The following GRM5 variants were observed in gnomAD, a reference collection of about 807,000 sequenced individuals.
GRM5 encodes glutamate metabotropic receptor 5.
GRM5 carries 19 observed loss-of-function variants against 83.1 expected under a neutral mutation model. The observed-to-expected ratio is 0.23, with a 90% CI of 0.16 to 0.34. GRM5 has a LOEUF of 0.34. Among genes scored for constraint, GRM5 ranks in the 10% least tolerant of loss-of-function variants. The pLI is 1.00. For missense variants in GRM5, 1,160 were observed against 1,588.3 expected (o/e 0.73, Z 4.58); for synonymous variants, 675 against 633.6 (o/e 1.07, Z -0.98).
At chr11:89,050,749 C>A (rs1405380680) in intron 1 of GRM5, among the ~76,000 whole-genome samples, 1 of 152,172 alleles carries the variant, frequency 6.6e-6, no homozygotes. Flanking sequence ...AAATGTGGTA[C>A]ATATACACCA....
chr11:88,701,119 A>G (rs6483380), intron 3 of GRM5, among the ~76,000 whole-genome samples: 120,161 of 152,038 alleles, frequency 0.79, 51,081 homozygotes, highest in Non-Finnish European at 0.96. Flanking sequence ...GAGTTTCCCA[A>G]TAACCTTTTA....
chr11:88,516,867 T>C (rs1405331502), intron 9 of GRM5, among the ~76,000 whole-genome samples: 1 of 152,168 alleles, frequency 6.6e-6, no homozygotes. Context: ...ACCATTATTT[T>C]GCTTAATGTC....
Position 89,037,769 on chromosome 11 carries a change from A to G in GRM5, c.661+9443T>C, listed in dbSNP as rs147647499. Among the ~76,000 whole-genome samples the G allele has an allele frequency of 4.8e-3, 729 of 152,284 alleles. 9 individuals are homozygous for G. The highest frequency in any genetic ancestry group is 0.016 in the African/African-American group (680 of 41,568). Reference sequence around the variant, plus strand: ...CACTCCAGAAAATATAAATTAAATGACATTGTCACAGAATAATAAATTCAT... The same window carrying G: ...CACTCCAGAAAATATAAATTAAATGGCATTGTCACAGAATAATAAATTCAT... On this transcript the variant is annotated intron_variant, in intron 2 of 9. Coordinates refer to ENST00000305447, the MANE Select transcript of GRM5 (RefSeq NM_001143831.3).
intron 3 of GRM5, among the ~76,000 whole-genome samples, chr11:88,686,586 A>G (rs571482293): frequency 6.6e-6 from 1 of 152,212 alleles, no homozygotes; most frequent in South Asian, 2.1e-4. Flanking sequence ...CTCATCTTGA[A>G]TTGTACTCCC....
At chr11:88,867,005 C>G (rs923641359) in intron 2 of GRM5, among the ~76,000 whole-genome samples, 2 of 151,730 alleles carry the variant, frequency 1.3e-5, no homozygotes, top group African/African-American at 4.8e-5. Context: ...TGTCAAAGAT[C>G]AGGTGGTTGT....
intron 2 of GRM5, among the ~76,000 whole-genome samples, chr11:88,909,496 G>A (rs1232405548): frequency 2.1e-5 from 3 of 139,754 alleles, no homozygotes; most frequent in Non-Finnish European, 3.1e-5. Flanking sequence ...TGAATCTCAT[G>A]CTTCTTTTTA....
intron 8 of GRM5, among the ~76,000 whole-genome samples, chr11:88,550,627 A>G (rs1236336002): frequency 2.0e-5 from 3 of 152,156 alleles, no homozygotes; most frequent in African/African-American, 7.2e-5. Context: ...CAGTGGCTTT[A>G]TATCTTCTGA....
At chr11:89,030,308 T>C (rs1365746976) in intron 2 of GRM5, among the ~76,000 whole-genome samples, 2 of 152,138 alleles carry the variant, frequency 1.3e-5, no homozygotes, top group African/African-American at 4.8e-5. Flanking sequence ...ATACAATATA[T>C]TGTGTCTCTT....
chr11:88,943,074 G>A (rs990714194), intron 2 of GRM5, among the ~76,000 whole-genome samples: 1 of 152,020 alleles, frequency 6.6e-6, no homozygotes, highest in African/African-American at 2.4e-5. Flanking sequence ...AATAACTGTT[G>A]TTACTCTGAG....
chr11:88,932,040 C>T (rs1190842440), intron 2 of GRM5, among the ~76,000 whole-genome samples: 1 of 151,870 alleles, frequency 6.6e-6, no homozygotes, highest in Non-Finnish European at 1.5e-5. Flanking sequence ...AAGACTAAAA[C>T]ACATAAAACC....
At chr11:88,759,576 G>A (rs539458379) in intron 3 of GRM5, among the ~76,000 whole-genome samples, 120 of 152,210 alleles carry the variant, frequency 7.9e-4, no homozygotes, top group South Asian at 2.7e-3. Context: ...GATTCATAAA[G>A]CAAGTTCTTA....
chr11:88,836,827 C>A (rs540272076), intron 3 of GRM5, among the ~76,000 whole-genome samples: 1 of 151,786 alleles, frequency 6.6e-6, no homozygotes, highest in Non-Finnish European at 1.5e-5. Context: ...CAAAAACAAA[C>A]AAAAACAAAC....
chr11:89,030,803 G>A lies in GRM5; in HGVS notation c.661+16409C>T, dbSNP rs532089449. The stretch of plus-strand genomic sequence containing the variant: ...TTATACTTAAGAACACTGAATTATT[G>A]GTAAAATATTCTAATACTATGGACA... On this transcript the variant is annotated intron_variant, in intron 2 of 9. Coordinates refer to ENST00000305447, the MANE Select transcript of GRM5 (RefSeq NM_001143831.3). Among the ~76,000 whole-genome samples the A allele has an allele frequency of 1.3e-4, 20 of 151,936 alleles. No homozygotes were observed. The South Asian group carries it at 3.5e-3, about 27-fold the overall frequency.
rs986084356 is a variant in GRM5, at chr11:88,985,692, T to C, written c.661+61520A>G. ...TGTCCCCAAGACACTTTCAGAAGAT[T>C]TGCAATGTCAGTATTATTATCATAG... On this transcript the variant is annotated intron_variant, in intron 2 of 9. Transcript: ENST00000305447. Among the ~76,000 whole-genome samples the C allele has an allele frequency of 3.3e-5, 5 of 152,166 alleles. No individual in the cohort carries two copies. In the East Asian group the frequency reaches 5.8e-4, roughly 18 times the overall value.
chr11:88,692,767 A>G (rs1441207904), intron 3 of GRM5, among the ~76,000 whole-genome samples: 3 of 152,214 alleles, frequency 2.0e-5, no homozygotes, highest in Admixed American at 6.5e-5. Context: ...TGAAGATGTC[A>G]CAGCTTCAAA....
intron 2 of GRM5, among the ~76,000 whole-genome samples, chr11:88,942,923 A>G (rs1178718779): frequency 1.3e-5 from 2 of 152,058 alleles, no homozygotes; most frequent in African/African-American, 2.4e-5. Flanking sequence ...ATGCCAGACC[A>G]AAAGTTTTGG....
chr11:88,650,112 T>C (rs1437452309), intron 4 of GRM5, among the ~76,000 whole-genome samples: 3 of 151,640 alleles, frequency 2.0e-5, no homozygotes, highest in Non-Finnish European at 4.4e-5. Flanking sequence ...AAATAAATTA[T>C]ACAAAGAGAT....
Position 88,506,887 on chromosome 11 carries a change from GT to G in GRM5, c.*1704del, listed in dbSNP as rs1941196487. On this transcript the variant is annotated 3_prime_UTR_variant, in exon 10 of 10. Transcript: ENST00000305447. ...TAAGGATATTGAGCTAAAAGAAAAA[GT>G]TTTATTTATTATTCTCTCTGCCAAA... 1 of 152,042 alleles carries G rather than the reference GT, an allele frequency of 6.6e-6. No homozygotes were observed. The highest frequency in any genetic ancestry group is 6.5e-5 in the Admixed American group (1 of 15,270). 9.4% of individuals were successfully genotyped at this position (152,042 alleles called of 1,614,324 possible).
At chr11:88,832,585 T>C (rs1181635534) in intron 3 of GRM5, among the ~76,000 whole-genome samples, 1 of 151,784 alleles carries the variant, frequency 6.6e-6, no homozygotes, top group African/African-American at 2.4e-5. Flanking sequence ...AAAATACCAA[T>C]AATATTCTTC....
Sources: gnomAD v4.1 joint callset for allele counts (sites outside exome capture counted in the v4.1 genomes callset) on GRCh38, gnomAD v4.1.1 for gene constraint, MANE v1.5 for transcripts, NCBI Gene and HGNC (gene_info 2026-07-23, HGNC 2026-07-21) for gene names.